The following SLC16A12 variants were observed in gnomAD, a reference collection of about 807,000 sequenced individuals.
SLC16A12 encodes monocarboxylate transporter 12.
SLC16A12 carries 17 observed loss-of-function variants against 42.4 expected under a neutral mutation model. The observed-to-expected ratio is 0.40, with a 90% confidence interval of 0.27 to 0.60. The LOEUF (loss-of-function observed/expected upper bound fraction) is 0.60, where lower values mean the gene tolerates loss of function less well. SLC16A12 is among the 20% of genes least tolerant of loss of function. The probability of loss-of-function intolerance (pLI) is 0.42; values close to 1 mark genes in which losing one functional copy is unlikely to be tolerated. For missense variants in SLC16A12, 544 were observed against 623.0 expected (o/e 0.87, Z 1.35); for synonymous variants, 224 against 229.4 (o/e 0.98, Z 0.21).
At chr10:89,505,581 T>G (rs1394342922) in intron 2 of SLC16A12, among the ~76,000 whole-genome samples, 1 of 151,848 alleles carries the variant, frequency 6.6e-6, no homozygotes, top group African/African-American at 2.4e-5. Flanking sequence ...GATTGGACAG[T>G]GGGTGCAGCC....
At position 89,520,898 on chromosome 10, in the gene SLC16A12, A is replaced by G. The variant is rs530281717; in HGVS notation, c.-47+13603T>C. ...TTGTTATGTATTTAGTGGGTAATAA[A>G]GAGAATGCAGATAAGCCTCCAGCCA... On this transcript the variant is annotated intron_variant, in intron 2 of 7. Transcript: ENST00000371790. 2.6e-5 allele frequency among the ~76,000 whole-genome samples: 4 copies of G among 152,284 alleles called. 1 individual carries two copies. Among genetic ancestry groups the G allele is most frequent in the African/African-American group, 9.6e-5 (4 of 41,556 alleles).
chr10:89,437,964 A>G (rs888592355), intron 6 of SLC16A12, among the ~76,000 whole-genome samples: 3 of 152,240 alleles, frequency 2.0e-5, no homozygotes, highest in African/African-American at 7.2e-5. Flanking sequence ...ATGTGTTATC[A>G]TTGCACCTGG....
At chr10:89,520,520 G>C (rs570906151) in intron 2 of SLC16A12, among the ~76,000 whole-genome samples, 8 of 152,168 alleles carry the variant, frequency 5.3e-5, no homozygotes, top group Admixed American at 5.2e-4. Flanking sequence ...TATTTCAAAA[G>C]CTTAAAAATG....
chr10:89,537,165 T>TTA (rs1186991213), upstream of SLC16A12, among the ~76,000 whole-genome samples: 5,980 of 144,972 alleles, frequency 0.041, 172 homozygotes, highest in Non-Finnish European at 0.059. Context: ...TTTTTTTTTT[T>TTA]GGGAAGGAGT....
intron 2 of SLC16A12, among the ~76,000 whole-genome samples, chr10:89,511,675 T>C (rs941851663): frequency 2.6e-5 from 4 of 152,180 alleles, no homozygotes; most frequent in African/African-American, 9.7e-5. Context: ...GGCACATGTA[T>C]ACCTCTGTAA....
intron 2 of SLC16A12, among the ~76,000 whole-genome samples, chr10:89,466,965 C>T (rs1408606049): frequency 3.9e-5 from 6 of 152,110 alleles, no homozygotes; most frequent in East Asian, 3.8e-4. Flanking sequence ...CCAATAGAAC[C>T]GGCATTCAAG....
intron 2 of SLC16A12, among the ~76,000 whole-genome samples, chr10:89,547,403 A>G (rs1843748051): frequency 6.6e-6 from 1 of 152,240 alleles, no homozygotes; most frequent in South Asian, 2.1e-4. Flanking sequence ...ACTACAGTGC[A>G]TGGCTCTCTA....
chr10:89,521,198 T>C (rs1049982144), intron 2 of SLC16A12, among the ~76,000 whole-genome samples: 4 of 152,204 alleles, frequency 2.6e-5, no homozygotes, highest in Admixed American at 6.5e-5. Flanking sequence ...AATAATGCCT[T>C]GTCTCTGTCA....
At chr10:89,526,745 T>C (rs1290670020) in intron 2 of SLC16A12, among the ~76,000 whole-genome samples, 1 of 152,216 alleles carries the variant, frequency 6.6e-6, no homozygotes, top group African/African-American at 2.4e-5. Context: ...AGGTGGAAGC[T>C]GGACATCGGT....
chr10:89,539,936 A>G (rs1313992816), upstream of SLC16A12, among the ~76,000 whole-genome samples: 1 of 66,742 alleles, frequency 1.5e-5, no homozygotes, highest in Non-Finnish European at 3.1e-5. Flanking sequence ...TTCTTTCATT[A>G]CTTCCTTCTT....
At chr10:89,464,858 C>G (rs1480109968) in intron 2 of SLC16A12, among the ~76,000 whole-genome samples, 1 of 152,144 alleles carries the variant, frequency 6.6e-6, no homozygotes, top group African/African-American at 2.4e-5. Context: ...CATCTTCATG[C>G]TGTTAACCAT....
intron 3 of SLC16A12, among the ~76,000 whole-genome samples, chr10:89,451,104 T>C (rs1014599691): frequency 4.6e-5 from 7 of 152,140 alleles, no homozygotes; most frequent in Admixed American, 6.5e-5. Context: ...GTGATAACAG[T>C]AGGGAAGAAA....
At chr10:89,455,381 T>C (rs982663531) in intron 3 of SLC16A12, among the ~76,000 whole-genome samples, 1 of 152,212 alleles carries the variant, frequency 6.6e-6, no homozygotes, top group Non-Finnish European at 1.5e-5. Context: ...TTTTCTTAGA[T>C]GACTTAATCA....
intron 6 of SLC16A12, 66 bp from the exon 7 acceptor site, chr10:89,436,385 C>T (rs766482948): frequency 2.7e-5 from 43 of 1,582,428 alleles, no homozygotes; most frequent in Middle Eastern, 3.3e-4. Flanking sequence ...TTTAGAGCCA[C>T]GGCTATGCAG....
chr10:89,552,833 A>G (rs894404672), intron 2 of SLC16A12, among the ~76,000 whole-genome samples: 10 of 152,228 alleles, frequency 6.6e-5, no homozygotes, highest in African/African-American at 2.4e-4. Flanking sequence ...TGTCAGTTTT[A>G]CACCGGAATT....
chr10:89,523,594 C>T (rs1311891609), intron 2 of SLC16A12, among the ~76,000 whole-genome samples: 6 of 152,168 alleles, frequency 3.9e-5, no homozygotes, highest in East Asian at 3.8e-4. Context: ...TAGTTTCTTT[C>T]GCTAGATTCT....
chr10:89,549,992 C>A (rs545311039), intron 2 of SLC16A12, among the ~76,000 whole-genome samples: 1 of 152,272 alleles, frequency 6.6e-6, no homozygotes, highest in East Asian at 1.9e-4. Flanking sequence ...TTCATTCATT[C>A]CATTCGTCAA....
chr10:89,518,348 A>G (rs1375357728), intron 2 of SLC16A12, among the ~76,000 whole-genome samples: 1 of 152,192 alleles, frequency 6.6e-6, no homozygotes, highest in Non-Finnish European at 1.5e-5. Context: ...GCATGCCACA[A>G]GCCTCACCGA....
At chr10:89,537,137 G>T (rs947282069), upstream of SLC16A12, among the ~76,000 whole-genome samples, 1 of 140,894 alleles carries the variant, frequency 7.1e-6, no homozygotes. Flanking sequence ...GCAAGGCACC[G>T]TAGGTATGTT....
Sources: gnomAD v4.1 joint callset for allele counts (sites outside exome capture counted in the v4.1 genomes callset) on GRCh38, gnomAD v4.1.1 for gene constraint, MANE v1.5 for transcripts, NCBI Gene and HGNC (gene_info 2026-07-23, HGNC 2026-07-21) for gene names.